CTNNA2: variants seen among roughly 807,000 people sequenced by gnomAD.
CTNNA2 encodes catenin alpha 2.
In CTNNA2, 42 loss-of-function variants were observed where a neutral mutation model predicts 101.0. The observed-to-expected ratio is 0.42, with a 90% CI of 0.32 to 0.54. The LOEUF (loss-of-function observed/expected upper bound fraction) is 0.54. Among genes scored for constraint, CTNNA2 ranks in the 20% least tolerant of loss-of-function variants. CTNNA2 has a pLI of 0.14. For missense variants in CTNNA2, 871 were observed against 1,223.1 expected (o/e 0.71, Z 4.29); for synonymous variants, 450 against 456.4 (o/e 0.99, Z 0.18).
At chr2:79,799,491 G>T (rs1675990083) in intron 3 of CTNNA2, among the ~76,000 whole-genome samples, 1 of 152,022 alleles carries the variant, frequency 6.6e-6, no homozygotes, top group Non-Finnish European at 1.5e-5. Flanking sequence ...GAGCCCTATT[G>T]TATTGTGGAA....
At chr2:79,293,346 G>T (rs1043652868) in intron 2 of CTNNA2, 3 of 152,100 alleles carry the variant, frequency 2.0e-5, no homozygotes, top group African/African-American at 7.2e-5. Flanking sequence ...ACATAAACTG[G>T]CTGCTTAGTT....
chr2:79,271,722 G>A (rs2104302562), intron 2 of CTNNA2, among the ~76,000 whole-genome samples: 1 of 152,102 alleles, frequency 6.6e-6, no homozygotes, highest in East Asian at 1.9e-4. Context: ...TACGTCCCTA[G>A]GGCAGGTCAG....
At chr2:80,562,501 T>C (rs369095678) in intron 12 of CTNNA2, among the ~76,000 whole-genome samples, 9 of 152,254 alleles carry the variant, frequency 5.9e-5, no homozygotes, top group South Asian at 4.1e-4. Context: ...AGTCATCTTA[T>C]ATTTTGCTTG....
Position 79,858,004 on chromosome 2 carries a change from G to A in CTNNA2, c.299-9G>A, listed in dbSNP as rs1313632912. On this transcript the variant is annotated splice_polypyrimidine_tract_variant and intron_variant, in intron 3 of 18. Coordinates refer to ENST00000402739, the MANE Select transcript of CTNNA2 (RefSeq NM_001282597.3). ...TCTACCCACCTGCCTCTCCGTGTCT[G>A]TCTTCCAGGTGAGACGATGCGGATC... The A allele has an allele frequency of 6.2e-7, 1 of 1,606,916 alleles. No homozygotes were observed. Among genetic ancestry groups the A allele is most frequent in the Admixed American group, 1.7e-5 (1 of 59,916 alleles).
intron 9 of CTNNA2, among the ~76,000 whole-genome samples, chr2:80,528,680 AAAAT>A (rs557880261): frequency 2.0e-4 from 31 of 152,192 alleles, no homozygotes; most frequent in Admixed American, 3.3e-4. Flanking sequence ...CCCCACCAAA[AAAAT>A]AAATAAATAA....
intron 2 of CTNNA2, among the ~76,000 whole-genome samples, chr2:79,732,911 A>C (rs2104929469): frequency 6.6e-6 from 1 of 152,192 alleles, no homozygotes; most frequent in African/African-American, 2.4e-5. Flanking sequence ...AAAAAACAAA[A>C]AACAAAATGG....
rs1335168432 is a variant in CTNNA2, at chr2:79,909,763, C to T, written c.1022C>T (p.Ala341Val). 1.2e-6 allele frequency: 2 copies of T among 1,612,300 alleles called. No homozygotes were observed. Among genetic ancestry groups the T allele is most frequent in the Non-Finnish European group, 1.7e-6 (2 of 1,179,100 alleles). Reference protein sequence around the residue: ...IVAECNAVRQALQDLLSEYMN... With the variant: ...IVAECNAVRQVLQDLLSEYMN... The stretch of plus-strand genomic sequence containing the variant: ...GCGGAGTGCAACGCCGTGCGGCAGG[C>T]GCTCCAGGACCTGCTCAGCGAGTAC... The change falls in exon 7 of 19, where the codon GCG becomes GTG. Residue 341 changes from alanine to valine, a missense_variant. By Grantham distance (64) the Ala-to-Val change is moderately conservative (BLOSUM62 0). Around this residue, in one of 5 missense-constraint regions of CTNNA2, gnomAD observed 647 missense variants for 831.5 expected, o/e 0.78. Coordinates refer to ENST00000402739, the MANE Select transcript of CTNNA2 (RefSeq NM_001282597.3).
chr2:80,478,245 T>C (rs1168727414), intron 9 of CTNNA2, among the ~76,000 whole-genome samples: 3 of 152,128 alleles, frequency 2.0e-5, no homozygotes, highest in African/African-American at 7.2e-5. Context: ...GGATTATTTG[T>C]TATTGGTTTA....
At chr2:79,745,711 C>G (rs1671598110) in intron 3 of CTNNA2, among the ~76,000 whole-genome samples, 1 of 152,126 alleles carries the variant, frequency 6.6e-6, no homozygotes, top group Non-Finnish European at 1.5e-5. Flanking sequence ...GCTTATTTCA[C>G]TTAGCATAAT....
chr2:80,092,147 T>A (rs1403719722), intron 7 of CTNNA2, among the ~76,000 whole-genome samples: 1 of 152,020 alleles, frequency 6.6e-6, no homozygotes, highest in Non-Finnish European at 1.5e-5. Flanking sequence ...TTTAGTGGAG[T>A]TCCTCTAAGC....
chr2:79,554,218 TA>T (rs974082723), intron 1 of CTNNA2, among the ~76,000 whole-genome samples: 7 of 151,958 alleles, frequency 4.6e-5, no homozygotes, highest in African/African-American at 1.5e-4. Flanking sequence ...TTTTTTTTTT[TA>T]AAACACAAAT....
At chr2:79,826,849 A>G (rs1274251806) in intron 3 of CTNNA2, among the ~76,000 whole-genome samples, 1 of 152,180 alleles carries the variant, frequency 6.6e-6, no homozygotes, top group African/African-American at 2.4e-5. Context: ...AAAGAGTGGT[A>G]TAATTCAATG....
intron 3 of CTNNA2, among the ~76,000 whole-genome samples, chr2:79,350,511 A>G (rs1238894409): frequency 6.6e-6 from 1 of 152,176 alleles, no homozygotes; most frequent in African/African-American, 2.4e-5. Context: ...TATATATGCC[A>G]CATTTTTTTT....
chr2:80,346,641 T>G (rs1672761174), intron 7 of CTNNA2, among the ~76,000 whole-genome samples: 1 of 152,218 alleles, frequency 6.6e-6, no homozygotes, highest in Admixed American at 6.5e-5. Flanking sequence ...TCGGAGTGCC[T>G]GATTTTATTG....
chr2:79,711,380 C>G (rs1039776564), intron 2 of CTNNA2, among the ~76,000 whole-genome samples: 15 of 152,226 alleles, frequency 9.9e-5, no homozygotes, highest in Non-Finnish European at 1.9e-4. Flanking sequence ...TTTCTATGCT[C>G]TCATCTGATT....
intron 2 of CTNNA2, among the ~76,000 whole-genome samples, chr2:79,223,949 A>G (rs1417941156): frequency 6.6e-6 from 1 of 152,218 alleles, no homozygotes; most frequent in Non-Finnish European, 1.5e-5. Flanking sequence ...CAGGTGGCCC[A>G]TGAATTACAG....
chr2:79,774,234 A>C (rs1185845454), intron 3 of CTNNA2, among the ~76,000 whole-genome samples: 4 of 152,188 alleles, frequency 2.6e-5, no homozygotes, highest in Non-Finnish European at 5.9e-5. Flanking sequence ...GAAATACTAA[A>C]TAGAAAAAGA....
intron 7 of CTNNA2, chr2:80,305,028 T>C (rs1019370308): frequency 1.0e-6 from 1 of 977,398 alleles, no homozygotes; most frequent in Non-Finnish European, 1.2e-6. Context: ...CCTTGCCTTT[T>C]GGGGATATAT....
chr2:80,080,521 A>C (rs1038747374), intron 7 of CTNNA2, among the ~76,000 whole-genome samples: 2 of 152,230 alleles, frequency 1.3e-5, no homozygotes, highest in Admixed American at 1.3e-4. Context: ...CTAGTAAAAG[A>C]AACATGGGAG....
Sources: gnomAD v4.1 joint callset for allele counts (sites outside exome capture counted in the v4.1 genomes callset) on GRCh38, gnomAD v4.1.1 for gene constraint, gnomAD v4.1.1 regional missense constraint, MANE v1.5 for transcripts, NCBI Gene and HGNC (gene_info 2026-07-23, HGNC 2026-07-21) for gene names.